The following JPH3 variants were observed in gnomAD, a reference collection of about 807,000 sequenced individuals.
JPH3 encodes junctophilin-3.
JPH3 carries 11 observed loss-of-function variants against 59.6 expected under a neutral mutation model. The ratio of observed to expected loss-of-function variants is 0.18; its 90% CI spans 0.12 to 0.31. JPH3 has a LOEUF of 0.31. Among genes scored for constraint, JPH3 ranks in the 10% least tolerant of loss-of-function variants. The pLI, the probability that JPH3 is intolerant of heterozygous loss-of-function variation, is 1.00. For missense variants in JPH3, 1,202 were observed against 1,105.7 expected, an observed-to-expected ratio of 1.09 and a Z score of -1.24; for synonymous variants, 673 against 483.6, an observed-to-expected ratio of 1.39 and a Z score of -5.14.
At chr16:87,689,012 A>G (rs1248702446) in intron 3 of JPH3, among the ~76,000 whole-genome samples, 2 of 152,110 alleles carry the variant, frequency 1.3e-5, no homozygotes, top group Admixed American at 1.3e-4. Flanking sequence ...GGCAGACGAC[A>G]GGGACTCTGC....
chr16:87,667,331 A>C (rs2032895469), intron 2 of JPH3, among the ~76,000 whole-genome samples: 1 of 152,260 alleles, frequency 6.6e-6, no homozygotes, highest in African/African-American at 2.4e-5. Context: ...TCTGAGGATT[A>C]GGACGTGGAC....
intron 1 of JPH3, among the ~76,000 whole-genome samples, chr16:87,639,328 T>G (rs1189409794): frequency 1.3e-5 from 2 of 151,358 alleles, no homozygotes; most frequent in Non-Finnish European, 3.0e-5. Context: ...TGAGGCCTCC[T>G]AGCCCCTTCC....
chr16:87,666,144 A>G (rs1316308400), intron 2 of JPH3, among the ~76,000 whole-genome samples: 1 of 150,552 alleles, frequency 6.6e-6, no homozygotes, highest in Non-Finnish European at 1.5e-5. Context: ...GCTGGAGTGC[A>G]GCGGCATGGT....
rs770263316 is a variant in JPH3, at chr16:87,689,828, C to G, written c.1468C>G (p.Pro490Ala). 9.0e-6 allele frequency: 14 copies of G among 1,551,042 alleles called. No individual in the cohort carries two copies. Among genetic ancestry groups the G allele is most frequent in the Non-Finnish European group, 1.2e-5 (14 of 1,150,024 alleles). ...CACCAGCCCCGCGGCCACCCCGCCG[C>G]CCGCGCCCGCCGCCAGGAACAAGGT... is the stretch of plus-strand genomic sequence containing the variant. ...FPTSPAATPPPAPAARNKVAH... is the reference protein window; with the variant it reads ...FPTSPAATPPAAPAARNKVAH... The change falls in exon 4 of 5, where the codon CCC becomes GCC. Residue 490 changes from proline to alanine, a missense_variant. Coordinates refer to ENST00000284262, the MANE Select transcript of JPH3 (RefSeq NM_020655.4).
intron 2 of JPH3, among the ~76,000 whole-genome samples, chr16:87,662,803 C>G (rs893862575): frequency 1.3e-5 from 2 of 152,250 alleles, no homozygotes; most frequent in Non-Finnish European, 2.9e-5. Context: ...CCGTCTGTCT[C>G]CCTGTGAAAT....
In JPH3 at chr16:87,684,240, C is replaced by T. The variant is rs772957757; in HGVS notation, c.1259C>T (p.Ser420Phe). 4.3e-6 allele frequency: 7 copies of T among 1,613,896 alleles called. No individual in the cohort carries two copies. Among genetic ancestry groups the T allele is most frequent in the Non-Finnish European group, 5.1e-6 (6 of 1,180,026 alleles). ...GCCAGGATCACTGCCAAAGAGTTCT[C>T]CCCTTCCTTCCAGCACCGGGAAAAC... Reference protein sequence around the residue: ...RIARITAKEFSPSFQHRENGL... With the variant: ...RIARITAKEFFPSFQHRENGL... Residue 420 changes from serine (S) to phenylalanine (F), a missense_variant, in exon 3 of 5, where the codon TCC becomes TTC. By Grantham distance (155) the Ser-to-Phe change is radical (BLOSUM62 -2). Transcript: ENST00000284262.
chr16:87,648,579 GT>G (rs1567598373), intron 2 of JPH3, among the ~76,000 whole-genome samples: 2 of 152,156 alleles, frequency 1.3e-5, no homozygotes, highest in Non-Finnish European at 2.9e-5. Flanking sequence ...AGGGAAGTGG[GT>G]TTTCCTGGAA....
chr16:87,677,706 C>G (rs1244275537), intron 2 of JPH3, among the ~76,000 whole-genome samples: 2 of 152,236 alleles, frequency 1.3e-5, no homozygotes, highest in African/African-American at 4.8e-5. Context: ...AAGGAATTGG[C>G]TGGGCTGGAA....
intron 1 of JPH3, among the ~76,000 whole-genome samples, chr16:87,612,307 T>C (rs2030757579): frequency 6.6e-6 from 1 of 152,112 alleles, no homozygotes; most frequent in African/African-American, 2.4e-5. Context: ...TTATTTGTTG[T>C]AGAGATGGGG....
chr16:87,655,538 G>C (rs1162888882), intron 2 of JPH3, among the ~76,000 whole-genome samples: 2 of 152,138 alleles, frequency 1.3e-5, no homozygotes, highest in Non-Finnish European at 2.9e-5. Context: ...ATGTCTTGTA[G>C]AGATGGGGTC....
intron 1 of JPH3, among the ~76,000 whole-genome samples, chr16:87,609,533 G>A (rs2030656171): frequency 6.6e-6 from 1 of 152,168 alleles, no homozygotes; most frequent in Admixed American, 6.5e-5. Flanking sequence ...CAAAGTGTTG[G>A]GATTACAGGT....
rs1296823294 is a variant in JPH3, at chr16:87,690,353, T to C, written c.1993T>C (p.Phe665Leu). ...LRSKAQNKEN[F>L]RPASSAEPAV... ...GTCCAAGGCCCAGAACAAGGAGAACTTCAGGCCGGCCTCCTCCGCGGAGCC... is the reference window on the plus strand; with the variant it reads ...GTCCAAGGCCCAGAACAAGGAGAACCTCAGGCCGGCCTCCTCCGCGGAGCC... Residue 665 changes from phenylalanine (F) to leucine (L), a missense_variant, in exon 4 of 5, where the codon TTC becomes CTC. Phe to Leu is a conservative substitution (Grantham distance 22). Transcript: ENST00000284262. 6.4e-7 allele frequency: 1 copy of C among 1,564,474 alleles called. No individual in the cohort carries two copies.
At chr16:87,630,352 C>G (rs1047759915) in intron 1 of JPH3, among the ~76,000 whole-genome samples, 1 of 152,222 alleles carries the variant, frequency 6.6e-6, no homozygotes, top group African/African-American at 2.4e-5. Flanking sequence ...TCACCCTCAT[C>G]TGCAGACCTT....
At position 87,611,347 on chromosome 16, in the gene JPH3, G is replaced by A. The variant is rs191508865; in HGVS notation, c.382+7819G>A. 2.0e-5 allele frequency among the ~76,000 whole-genome samples: 3 copies of A among 152,344 alleles called. No homozygotes were observed. The South Asian group carries it at 6.2e-4, about 32-fold the overall frequency. On this transcript the variant is annotated intron_variant, in intron 1 of 4. Coordinates refer to ENST00000284262, the MANE Select transcript of JPH3 (RefSeq NM_020655.4). The surrounding 1 kb of genome is among the most constrained non-coding windows in gnomAD (Gnocchi z 4.5). ...CGGCAGAGGCTTCTGGGGGTAGGCA[G>A]TGCCTGAGTTGAGTCTGGAAGGGCA... is the stretch of plus-strand genomic sequence containing the variant.
intron 2 of JPH3, among the ~76,000 whole-genome samples, chr16:87,678,564 G>A (rs1441324326): frequency 1.3e-5 from 2 of 152,072 alleles, no homozygotes; most frequent in Non-Finnish European, 2.9e-5. Flanking sequence ...ATATATATAT[G>A]TGTGTGTCTG....
chr16:87,619,938 G>A (rs1476123563), intron 1 of JPH3, among the ~76,000 whole-genome samples: 2 of 152,170 alleles, frequency 1.3e-5, no homozygotes, highest in African/African-American at 2.4e-5. Context: ...TTCAGGAGGC[G>A]CATCTGTGAG....
chr16:87,647,708 C>T (rs1350745077), intron 2 of JPH3, among the ~76,000 whole-genome samples: 1 of 152,192 alleles, frequency 6.6e-6, no homozygotes, highest in Admixed American at 6.5e-5. Flanking sequence ...CTCTGCACAC[C>T]ACTCACGGCC....
chr16:87,647,493 C>T (rs1262426177), intron 2 of JPH3, among the ~76,000 whole-genome samples: 1 of 152,184 alleles, frequency 6.6e-6, no homozygotes, highest in Non-Finnish European at 1.5e-5. Flanking sequence ...CCTTTGAGGC[C>T]CAGCAGCCCA....
At chr16:87,691,856 C>T (rs554808341) in intron 4 of JPH3, among the ~76,000 whole-genome samples, 12 of 152,190 alleles carry the variant, frequency 7.9e-5, no homozygotes, top group East Asian at 5.8e-4. Flanking sequence ...TGGCTGTGCG[C>T]GCGCGGTTAT....
Sources: gnomAD v4.1 joint callset for allele counts (sites outside exome capture counted in the v4.1 genomes callset) on GRCh38, gnomAD v4.1.1 for gene constraint, Gnocchi (gnomAD v3.1) non-coding constraint, MANE v1.5 for transcripts, NCBI Gene and HGNC (gene_info 2026-07-23, HGNC 2026-07-21) for gene names.